Variants in C2CD2L observed in about 807,000 individuals in gnomAD.
The protein encoded by C2CD2L is phospholipid transfer protein C2CD2L.
A neutral mutation model predicts 69.9 loss-of-function variants in C2CD2L; 24 were observed. The observed-to-expected ratio is 0.34, with a 90% CI of 0.25 to 0.48. The LOEUF is 0.48. Among genes scored for constraint, C2CD2L ranks in the 20% least tolerant of loss-of-function variants. C2CD2L has a pLI of 0.99. For synonymous variants in C2CD2L, 367 were observed against 391.0 expected, an observed-to-expected ratio of 0.94 and a Z score of 0.72; for missense variants, 811 against 941.5, an observed-to-expected ratio of 0.86 and a Z score of 1.81.
In C2CD2L at chr11:119,107,399, G is replaced by A. The variant is rs1946612730; in HGVS notation, c.-343G>A. On this transcript the variant is annotated 5_prime_UTR_variant, in exon 1 of 14. Coordinates refer to ENST00000648610, the MANE Select transcript of C2CD2L (RefSeq NM_001290474.2). The surrounding 1 kb of genome is among the most constrained non-coding windows in gnomAD (Gnocchi z 5.4). ...GCCCTCCCGGAGCCGGTGCCGGCCC[G>A]CGAGCCCCAGCGTCTCTGCAGACCA... 5.0e-6 allele frequency: 1 copy of A among 200,882 alleles called. No individual in the cohort carries two copies. The highest frequency in any genetic ancestry group is 6.0e-5 in the Admixed American group (1 of 16,632). The allele number at this position is 200,882 out of a possible 1,614,324, so 12.4% of individuals were successfully genotyped here. A position where few individuals can be genotyped will look rare whatever the true frequency, so the allele number is the denominator to read the frequency against.
Position 119,110,958 on chromosome 11 carries a change from G to C in C2CD2L, c.681+1G>C. The stretch of plus-strand genomic sequence containing the variant: ...GCTTCCCAAGCTTCAGGCCAGGGAG[G>C]TAAGGAGGCAGAGCTGGCAGAGAAG... On this transcript the variant is annotated splice_donor_variant, in intron 4 of 13. Coordinates refer to ENST00000648610, the MANE Select transcript of C2CD2L (RefSeq NM_001290474.2). LOFTEE classifies it high-confidence loss of function. The surrounding 1 kb of genome is among the most constrained non-coding windows in gnomAD (Gnocchi z 5.7). 6.2e-7 allele frequency: 1 copy of C among 1,614,142 alleles called. No individual in the cohort carries two copies. Among genetic ancestry groups the C allele is most frequent in the Non-Finnish European group, 8.5e-7 (1 of 1,179,962 alleles).
Position 119,110,911 on chromosome 11 carries a change from G to A in C2CD2L, c.635G>A (p.Arg212His), listed in dbSNP as rs776161978. The A allele has an allele frequency of 1.5e-5, 24 of 1,614,024 alleles. No homozygotes were observed. The highest frequency in any genetic ancestry group is 4.5e-5 in the East Asian group (2 of 44,896). ...CTCATATCCTGGGCCTTCACTGATC[G>A]CCCAGATCTCAGCCTAACGGTGCTT... Reference protein sequence around the residue: ...GLLISWAFTDRPDLSLTVLPK... With the variant: ...GLLISWAFTDHPDLSLTVLPK... The change falls in exon 4 of 14, where the codon CGC becomes CAC. Residue 212 changes from arginine (R) to histidine (H), a missense_variant. By Grantham distance (29) the Arg-to-His change is conservative. Transcript: ENST00000648610. The surrounding 1 kb of genome is among the most constrained non-coding windows in gnomAD (Gnocchi z 5.7).
intron 11 of C2CD2L, 45 bp from the exon 12 acceptor site, chr11:119,113,810 G>A: frequency 6.2e-7 from 1 of 1,611,944 alleles, no homozygotes; most frequent in Non-Finnish European, 8.5e-7. Context: ...ATCCAAGAAA[G>A]AGCCAGGGAG....
chr11:119,115,927 G>C (rs548875075), intron 13 of C2CD2L, 118 bp from the exon 14 acceptor site: 1 of 750,398 alleles, frequency 1.3e-6, no homozygotes, highest in East Asian at 2.7e-5. Flanking sequence ...CCTGGCTTCT[G>C]GGCCACGGGA....
chr11:119,112,679 C>T, intron 9 of C2CD2L, 21 bp from the exon 10 acceptor site: 2 of 1,611,060 alleles, frequency 1.2e-6, no homozygotes, highest in South Asian at 1.1e-5. Flanking sequence ...TCTGTCTCTT[C>T]TCTCTCCCAC....
In C2CD2L at chr11:119,114,711, G is replaced by T; in HGVS notation, c.1909+346G>T. On this transcript the variant is annotated intron_variant, in intron 13 of 13. Coordinates refer to ENST00000648610, the MANE Select transcript of C2CD2L (RefSeq NM_001290474.2). This position sits in a 1 kb window ranked among gnomAD's most constrained non-coding sequence, Gnocchi z 5.1. Reference sequence around the variant, plus strand: ...ACCGGCACTTTGGGAGGCCAAGGCGGGTGGCTTACCTGAGTCCAGGAGTTC... The same window carrying T: ...ACCGGCACTTTGGGAGGCCAAGGCGTGTGGCTTACCTGAGTCCAGGAGTTC... 1 of 325,276 alleles carries T rather than the reference G, an allele frequency of 3.1e-6. No homozygotes were observed. The highest frequency in any genetic ancestry group is 5.9e-6 in the Non-Finnish European group (1 of 170,362). The allele number at this position is 325,276 out of a possible 1,614,324, so 20.1% of individuals were successfully genotyped here. A position where few individuals can be genotyped will look rare whatever the true frequency, so the allele number is the denominator to read the frequency against.
At chr11:119,113,789 G>C (rs778059000) in intron 11 of C2CD2L, 66 bp from the exon 12 acceptor site, 12 of 1,612,278 alleles carry the variant, frequency 7.4e-6, no homozygotes, top group African/African-American at 1.3e-5. Flanking sequence ...GGTGGGATAG[G>C]AGGAGTTCCA....
rs1946773950 is a variant in C2CD2L at position 119,112,522 on chromosome 11, C to A, written c.1125C>A (p.Pro375=). ...LGQATLPVGS[P]SRPLSRRQLC... ...AGGCCACACTGCCTGTGGGCTCCCC[C>A]TCCAGACCACTGTCTCGAAGACAGT... Residue 375 remains proline (P), a synonymous_variant, in exon 9 of 14, where the codon CCC becomes CCA. Coordinates refer to ENST00000648610, the MANE Select transcript of C2CD2L (RefSeq NM_001290474.2). 1 of 1,613,630 alleles carries A rather than the reference C, an allele frequency of 6.2e-7. No individual in the cohort carries two copies. Among genetic ancestry groups the A allele is most frequent in the Non-Finnish European group, 8.5e-7 (1 of 1,179,894 alleles).
At position 119,116,640 on chromosome 11, in the gene C2CD2L, C is replaced by A; in HGVS notation, c.*384C>A. ...TCTATTTATATGTGTGGCTTAGGAC[C>A]CTCCGTGAACAGATGATAGAGGGCA... On this transcript the variant is annotated 3_prime_UTR_variant, in exon 14 of 14. Transcript: ENST00000648610. The A allele has an allele frequency of 4.3e-6, 1 of 235,232 alleles. No individual in the cohort carries two copies. The highest frequency in any genetic ancestry group is 2.2e-5 in the African/African-American group (1 of 45,074). 14.6% of individuals were successfully genotyped at this position (235,232 alleles called of 1,614,324 possible).
At chr11:119,103,553 C>T (rs997707822), upstream of C2CD2L, among the ~76,000 whole-genome samples, 3 of 152,002 alleles carry the variant, frequency 2.0e-5, no homozygotes, top group Non-Finnish European at 4.4e-5. Context: ...AAAAATTAGC[C>T]GGGTGTGGTG....
upstream of C2CD2L, chr11:119,102,420 G>A (rs1312831362): frequency 2.2e-6 from 1 of 446,788 alleles, no homozygotes; most frequent in South Asian, 1.6e-5. Flanking sequence ...GATTTGGAAG[G>A]ATGGTGTAAA....
In C2CD2L at chr11:119,117,962, T is replaced by C. The variant is rs1460774912; in HGVS notation, c.*1706T>C. The C allele has an allele frequency of 6.6e-6, 1 of 152,236 alleles. No homozygotes were observed. The highest frequency in any genetic ancestry group is 1.5e-5 in the Non-Finnish European group (1 of 68,044). 9.4% of individuals were successfully genotyped at this position (152,236 alleles called of 1,614,324 possible). On this transcript the variant is annotated 3_prime_UTR_variant, in exon 14 of 14. Transcript: ENST00000648610. ...ATGACTACCTATATCTCAGGGTGTT[T>C]AGGGCACATGCCTTTGGGTAGATAG...
At chr11:119,111,820 A>C in intron 7 of C2CD2L, 191 bp downstream of exon 7, 1 of 557,596 alleles carries the variant, frequency 1.8e-6, no homozygotes, top group Admixed American at 3.3e-5. Flanking sequence ...TGGGTCAATG[A>C]CAAGCTTGAG....
Position 119,110,105 on chromosome 11 carries a change from G to C in C2CD2L, c.356G>C (p.Ser119Thr). The C allele has an allele frequency of 6.2e-7, 1 of 1,611,218 alleles. No individual in the cohort carries two copies. Among genetic ancestry groups the C allele is most frequent in the Non-Finnish European group, 8.5e-7 (1 of 1,177,390 alleles). ...CCAATGCCCACATTACTCCCTCAGA[G>C]CTCCATCCAAATCGCCTTTGAGGAG... The part of the protein sequence containing the change: ...ALNEQACRNG[S>T]SIQIAFEEVP... The change falls in exon 2 of 14, where the codon AGC becomes ACC. Residue 119 changes from serine (S) to threonine (T), a missense_variant and splice_region_variant. Coordinates refer to ENST00000648610, the MANE Select transcript of C2CD2L (RefSeq NM_001290474.2). This position sits in a 1 kb window ranked among gnomAD's most constrained non-coding sequence, Gnocchi z 5.7.
chr11:119,114,273 C>G lies in C2CD2L; in HGVS notation c.1817C>G (p.Ser606Trp). The G allele has an allele frequency of 6.2e-7, 1 of 1,614,158 alleles. No homozygotes were observed. ...CAGGAAGCAGACGAGACAACCCGTT[C>G]GGATATTTCTGAGAGGCCATCTGTG... ...SVQEADETTRSDISERPSVDD... is the reference protein window; with the variant it reads ...SVQEADETTRWDISERPSVDD... Residue 606 changes from serine (S) to tryptophan (W), a missense_variant, in exon 13 of 14, where the codon TCG becomes TGG. By Grantham distance (177) the Ser-to-Trp change is radical (BLOSUM62 -3). Transcript: ENST00000648610. This position sits in a 1 kb window ranked among gnomAD's most constrained non-coding sequence, Gnocchi z 5.1.
rs1946714043 is a variant in C2CD2L, at chr11:119,110,680, G to A, written c.570G>A (p.Gln190=). The change falls in exon 3 of 14, where the codon CAG becomes CAA. Residue 190 remains glutamine, a splice_region_variant and synonymous_variant. Coordinates refer to ENST00000648610, the MANE Select transcript of C2CD2L (RefSeq NM_001290474.2). The surrounding 1 kb of genome is among the most constrained non-coding windows in gnomAD (Gnocchi z 5.7). Reference sequence around the variant, plus strand: ...TCACTCTGACACTGCCACCAACACAGGTAGAAGGGGATGTGGGAAACTGAG... The same window carrying A: ...TCACTCTGACACTGCCACCAACACAAGTAGAAGGGGATGTGGGAAACTGAG... ...YHVTLTLPPT[Q]LEVNLEEIPG... 1 of 1,613,886 alleles carries A rather than the reference G, an allele frequency of 6.2e-7. No individual in the cohort carries two copies. The highest frequency in any genetic ancestry group is 8.5e-7 in the Non-Finnish European group (1 of 1,180,018).
At position 119,111,523 on chromosome 11, in the gene C2CD2L, A is replaced by C; in HGVS notation, c.913A>C (p.Thr305Pro). The C allele has an allele frequency of 1.2e-6, 2 of 1,613,984 alleles. No homozygotes were observed. Among genetic ancestry groups the C allele is most frequent in the Non-Finnish European group, 1.7e-6 (2 of 1,179,860 alleles). ...TTCTAACTTCTGGTTCATCACAGGCACCGAGGAACTGTGCTGTGTAGCTGA... is the reference window on the plus strand; with the variant it reads ...TTCTAACTTCTGGTTCATCACAGGCCCCGAGGAACTGTGCTGTGTAGCTGA... ...ASHLGNELEG[T>P]EELCCVAELD... The change falls in exon 7 of 14, where the codon ACC becomes CCC. Residue 305 changes from threonine (T) to proline (P), a missense_variant and splice_region_variant. Coordinates refer to ENST00000648610, the MANE Select transcript of C2CD2L (RefSeq NM_001290474.2).
At chr11:119,103,260 C>T (rs1473754872), upstream of C2CD2L, among the ~76,000 whole-genome samples, 1 of 152,126 alleles carries the variant, frequency 6.6e-6, no homozygotes, top group Non-Finnish European at 1.5e-5. Context: ...TTCCATTTGT[C>T]AGAGAGGAAG....
chr11:119,110,345 G>T lies in C2CD2L; in HGVS notation c.450+146G>T. ...TTTCAGGAAGTCTGAGAATCCCATT[G>T]AAGTTATGTGCAAAATGTTGGATGT... On this transcript the variant is annotated intron_variant, in intron 2 of 13. Coordinates refer to ENST00000648610, the MANE Select transcript of C2CD2L (RefSeq NM_001290474.2). The surrounding 1 kb of genome is among the most constrained non-coding windows in gnomAD (Gnocchi z 5.7). 1.3e-6 allele frequency: 1 copy of T among 799,576 alleles called. No homozygotes were observed. Among genetic ancestry groups the T allele is most frequent in the Non-Finnish European group, 2.0e-6 (1 of 506,388 alleles). The allele number at this position is 799,576 out of a possible 1,614,324, so 49.5% of individuals were successfully genotyped here. A position where few individuals can be genotyped will look rare whatever the true frequency, so the allele number is the denominator to read the frequency against.
Sources: gnomAD v4.1 joint callset for allele counts (sites outside exome capture counted in the v4.1 genomes callset) on GRCh38, gnomAD v4.1.1 for gene constraint, Gnocchi (gnomAD v3.1) non-coding constraint, MANE v1.5 for transcripts, NCBI Gene and HGNC (gene_info 2026-07-23, HGNC 2026-07-21) for gene names.